BMP5: variants seen among roughly 807,000 people sequenced by gnomAD.
BMP5 encodes bone morphogenetic protein 5.
BMP5 carries 23 observed loss-of-function variants against 46.6 expected under a neutral mutation model. The ratio of observed to expected loss-of-function variants is 0.49; its 90% CI spans 0.35 to 0.70. The LOEUF (loss-of-function observed/expected upper bound fraction) is 0.70. Among genes scored for constraint, BMP5 ranks in the 30% least tolerant of loss-of-function variants. The pLI is 0.00. For synonymous variants in BMP5, 204 were observed against 191.9 expected (o/e 1.06, Z -0.52); for missense variants, 545 against 565.6 (o/e 0.96, Z 0.37).
chr6:55,870,884 C>T (rs942285024), intron 1 of BMP5, among the ~76,000 whole-genome samples: 4 of 151,950 alleles, frequency 2.6e-5, no homozygotes, highest in Admixed American at 6.6e-5. Context: ...GGAATTAAAA[C>T]GTATTCTTGA....
At chr6:55,769,054 G>A (rs1774983593) in intron 4 of BMP5, among the ~76,000 whole-genome samples, 1 of 151,946 alleles carries the variant, frequency 6.6e-6, no homozygotes, top group South Asian at 2.1e-4. Flanking sequence ...CCTTTTGCTA[G>A]TAAAGGGTCT....
At chr6:55,760,562 A>T (rs998852552) in intron 4 of BMP5, 29 bp from the exon 5 acceptor site, 2 of 1,589,970 alleles carry the variant, frequency 1.3e-6, no homozygotes, top group South Asian at 1.1e-5. Context: ...TTTTGAATAA[A>T]TGGTTGCTTA....
intron 1 of BMP5, among the ~76,000 whole-genome samples, chr6:55,855,127 C>T (rs1454129794): frequency 6.6e-6 from 1 of 152,076 alleles, no homozygotes; most frequent in African/African-American, 2.4e-5. Context: ...GTTTCTCATT[C>T]CTGGGACATC....
intron 2 of BMP5, 112 bp from the exon 3 acceptor site, chr6:55,794,539 T>A: frequency 9.5e-7 from 1 of 1,056,828 alleles, no homozygotes; most frequent in Non-Finnish European, 1.4e-6. Context: ...AGCAGTTAGT[T>A]AAAGAACAAG....
In BMP5 at chr6:55,801,255, G is replaced by T. The variant is rs1020472873; in HGVS notation, c.684-6828C>A. Among the ~76,000 whole-genome samples the T allele has an allele frequency of 2.0e-5, 3 of 152,206 alleles. No individual in the cohort carries two copies. In the South Asian group the frequency reaches 6.2e-4, roughly 31 times the overall value. On this transcript the variant is annotated intron_variant, in intron 2 of 6. Transcript: ENST00000370830. Reference sequence around the variant, plus strand: ...GCTTAGAAGACTACCTTGTGGTCAAGTGTTATTGCAACTTAGACATATTGT... The same window carrying T: ...GCTTAGAAGACTACCTTGTGGTCAATTGTTATTGCAACTTAGACATATTGT...
chr6:55,855,646 A>G (rs1449482926), intron 1 of BMP5, among the ~76,000 whole-genome samples: 6 of 152,150 alleles, frequency 3.9e-5, no homozygotes, highest in Admixed American at 2.6e-4. Flanking sequence ...TAGTCCTTTT[A>G]GGATTTCATG....
rs542971185 is a variant in BMP5, at chr6:55,841,614, G to GTTTT, written c.491-21768_491-21767insAAAA. Among the ~76,000 whole-genome samples, 785 of 152,092 alleles carry GTTTT rather than the reference G, an allele frequency of 5.2e-3. 6 individuals are homozygous for GTTTT. The highest frequency in any genetic ancestry group is 0.018 in the African/African-American group (761 of 41,474). On this transcript the variant is annotated intron_variant, in intron 1 of 6. Transcript: ENST00000370830. ...GTCTGGTGGTGGTGTTTGTTTGTTT[G>GTTTT]TTTGTTTGTTTGTAGTCCTTTTCTT...
intron 2 of BMP5, among the ~76,000 whole-genome samples, chr6:55,798,081 G>T (rs1775760779): frequency 6.6e-6 from 1 of 152,122 alleles, no homozygotes; most frequent in Non-Finnish European, 1.5e-5. Context: ...GTAGACTGTT[G>T]TCTTCTCCCT....
chr6:55,792,716 G>A (rs1383074346), intron 3 of BMP5, among the ~76,000 whole-genome samples: 1 of 152,084 alleles, frequency 6.6e-6, no homozygotes, highest in Non-Finnish European at 1.5e-5. Context: ...CCATAGTGAA[G>A]TCTTAAGCAT....
chr6:55,856,501 ACGT>A (rs1190468303), intron 1 of BMP5, among the ~76,000 whole-genome samples: 2 of 152,140 alleles, frequency 1.3e-5, no homozygotes, highest in African/African-American at 4.8e-5. Context: ...AGCAATTTAT[ACGT>A]GTTTTAGTTG....
chr6:55,803,023 A>T (rs1310496315), intron 2 of BMP5, among the ~76,000 whole-genome samples: 1 of 151,948 alleles, frequency 6.6e-6, no homozygotes, highest in African/African-American at 2.4e-5. Flanking sequence ...GCGGTGGCTC[A>T]TGCCTGTAAT....
intron 1 of BMP5, among the ~76,000 whole-genome samples, chr6:55,869,244 T>C (rs546150474): frequency 1.3e-5 from 2 of 152,268 alleles, no homozygotes; most frequent in African/African-American, 4.8e-5. Context: ...CTCGAGCTGA[T>C]GTGGTTGGGG....
intron 2 of BMP5, among the ~76,000 whole-genome samples, chr6:55,804,350 A>T (rs1275434240): frequency 1.3e-5 from 2 of 152,168 alleles, no homozygotes; most frequent in African/African-American, 4.8e-5. Context: ...ACAGCCAAGG[A>T]ACTTCTAGGG....
At chr6:55,763,541 T>G (rs532070494) in intron 4 of BMP5, among the ~76,000 whole-genome samples, 62 of 152,284 alleles carry the variant, frequency 4.1e-4, no homozygotes, top group African/African-American at 1.5e-3. Context: ...CTTGGCAGAA[T>G]AAGCCGTAGG....
At chr6:55,839,076 T>C (rs1473439173) in intron 1 of BMP5, among the ~76,000 whole-genome samples, 1 of 152,114 alleles carries the variant, frequency 6.6e-6, no homozygotes, top group Non-Finnish European at 1.5e-5. Flanking sequence ...TCTATCAATG[T>C]TCATTTTCTT....
intron 3 of BMP5, among the ~76,000 whole-genome samples, chr6:55,784,549 G>A (rs922841842): frequency 6.6e-6 from 1 of 151,730 alleles, no homozygotes; most frequent in African/African-American, 2.4e-5. Flanking sequence ...TAAATTTCAT[G>A]TTGAAGTGAA....
intron 2 of BMP5, among the ~76,000 whole-genome samples, chr6:55,802,209 A>G (rs1467032753): frequency 1.3e-5 from 2 of 152,204 alleles, no homozygotes; most frequent in East Asian, 3.9e-4. Flanking sequence ...TCCCAATGGT[A>G]CAATGCTAAC....
In BMP5 at chr6:55,771,193, C is replaced by T. The variant is rs573624337; in HGVS notation, c.1027+2856G>A. Among the ~76,000 whole-genome samples, 3 of 151,876 alleles carry T rather than the reference C, an allele frequency of 2.0e-5. No individual in the cohort carries two copies. The East Asian group carries it at 5.8e-4, about 30-fold the overall frequency. ...TGCCTGTACTCTATTCTTTTCAACA[C>T]TGAATATACTCCTTCAAGCAGCATC... On this transcript the variant is annotated intron_variant, in intron 4 of 6. Transcript: ENST00000370830.
chr6:55,832,093 T>A (rs531243143), intron 1 of BMP5, among the ~76,000 whole-genome samples: 4 of 152,302 alleles, frequency 2.6e-5, no homozygotes, highest in Admixed American at 2.6e-4. Flanking sequence ...TACCATCTTT[T>A]GAACCTGACA....
Sources: allele counts gnomAD v4.1 joint callset (sites outside exome capture counted in the v4.1 genomes callset), GRCh38; gene constraint gnomAD v4.1.1; transcripts MANE v1.5; gene names NCBI Gene and HGNC (gene_info 2026-07-23, HGNC 2026-07-21).